Variants in AUTS2 observed in about 807,000 individuals in gnomAD.
AUTS2 encodes activator of transcription and developmental regulator AUTS2.
Under a neutral mutation model 112.4 loss-of-function variants are expected in AUTS2, and 17 were observed. The observed-to-expected ratio is 0.15, with a 90% CI of 0.10 to 0.23. AUTS2 has a LOEUF of 0.23. Among genes scored for constraint, AUTS2 ranks in the 10% least tolerant of loss-of-function variants. The pLI is 1.00. For synonymous variants in AUTS2, 751 were observed against 702.7 expected (o/e 1.07, Z -1.09); for missense variants, 1,510 against 1,701.6 (o/e 0.89, Z 1.98).
intron 5 of AUTS2, among the ~76,000 whole-genome samples, chr7:70,452,355 A>T (rs951158745): frequency 2.0e-5 from 3 of 152,162 alleles, no homozygotes; most frequent in African/African-American, 7.2e-5. Context: ...GCTAATTGGG[A>T]GGCTGAGGGA....
intron 2 of AUTS2, among the ~76,000 whole-genome samples, chr7:69,908,231 G>A (rs1167516244): frequency 6.6e-6 from 1 of 152,126 alleles, no homozygotes; most frequent in Non-Finnish European, 1.5e-5. Context: ...ACCCCTTGCT[G>A]TACTTAACCC....
chr7:70,209,227 G>A (rs1182726334), intron 4 of AUTS2, among the ~76,000 whole-genome samples: 2 of 152,152 alleles, frequency 1.3e-5, no homozygotes, highest in Non-Finnish European at 2.9e-5. Flanking sequence ...GTAAAAAGAG[G>A]AAGCAAGGAT....
At chr7:70,251,755 T>C (rs541832377) in intron 4 of AUTS2, among the ~76,000 whole-genome samples, 1 of 152,270 alleles carries the variant, frequency 6.6e-6, no homozygotes, top group Admixed American at 6.5e-5. Context: ...TACTGAGATT[T>C]TCAATTTTGA....
chr7:70,274,616 G>C (rs1185858244), intron 4 of AUTS2, among the ~76,000 whole-genome samples: 1 of 152,046 alleles, frequency 6.6e-6, no homozygotes, highest in Non-Finnish European at 1.5e-5. Context: ...ATTGTTGTGA[G>C]TGAGTGAGTG....
intron 4 of AUTS2, among the ~76,000 whole-genome samples, chr7:70,408,176 G>T (rs1794623560): frequency 6.7e-6 from 1 of 150,128 alleles, no homozygotes; most frequent in Admixed American, 6.6e-5. Flanking sequence ...GCGAGACCCT[G>T]TGGAAAAAAA....
chr7:69,924,952 T>C (rs1201323859), intron 2 of AUTS2, among the ~76,000 whole-genome samples: 1 of 152,278 alleles, frequency 6.6e-6, no homozygotes, highest in African/African-American at 2.4e-5. Flanking sequence ...ATTCATGTTC[T>C]TTACTAAATA....
intron 1 of AUTS2, among the ~76,000 whole-genome samples, chr7:69,639,821 A>G (rs1794722167): frequency 6.6e-6 from 1 of 152,244 alleles, no homozygotes; most frequent in Non-Finnish European, 1.5e-5. Context: ...AAAAGCAGTA[A>G]GGAGACTGTT....
At chr7:70,757,491 G>C (rs770545308) in intron 6 of AUTS2, among the ~76,000 whole-genome samples, 1 of 152,132 alleles carries the variant, frequency 6.6e-6, no homozygotes, top group Non-Finnish European at 1.5e-5. Flanking sequence ...GTTTCTTAAA[G>C]GTTTGGCCAA....
intron 4 of AUTS2, among the ~76,000 whole-genome samples, chr7:70,288,194 C>G (rs1229294906): frequency 1.3e-5 from 2 of 152,020 alleles, no homozygotes; most frequent in African/African-American, 2.4e-5. Flanking sequence ...GAGTGGATCA[C>G]GAGGTCAGGA....
chr7:70,666,235 T>G (rs766180172), intron 5 of AUTS2, among the ~76,000 whole-genome samples: 1 of 152,230 alleles, frequency 6.6e-6, no homozygotes, highest in South Asian at 2.1e-4. Flanking sequence ...AATGGCATTA[T>G]GGTTTACTGA....
chr7:69,824,326 G>A (rs1269582671), intron 1 of AUTS2, among the ~76,000 whole-genome samples: 9 of 151,784 alleles, frequency 5.9e-5, no homozygotes, highest in Non-Finnish European at 8.8e-5. Context: ...GGAGAATGGC[G>A]TGAACCTGGG....
chr7:69,851,502 C>T (rs553502020), intron 1 of AUTS2, among the ~76,000 whole-genome samples: 83 of 152,298 alleles, frequency 5.4e-4, no homozygotes, highest in Admixed American at 7.2e-4. Flanking sequence ...CCCCCACCTT[C>T]GCCTCCCAAA....
chr7:69,908,407 T>C (rs927220897), intron 2 of AUTS2, among the ~76,000 whole-genome samples: 1 of 152,250 alleles, frequency 6.6e-6, no homozygotes, highest in Admixed American at 6.5e-5. Context: ...CAGGCAGATA[T>C]AACTTTGTTA....
At chr7:70,329,876 C>T (rs1790663796) in intron 4 of AUTS2, among the ~76,000 whole-genome samples, 1 of 151,928 alleles carries the variant, frequency 6.6e-6, no homozygotes, top group Non-Finnish European at 1.5e-5. Flanking sequence ...AATCCAAGAC[C>T]AAGATGCCAG....
At chr7:70,284,545 T>C (rs1239987179) in intron 4 of AUTS2, among the ~76,000 whole-genome samples, 5 of 152,228 alleles carry the variant, frequency 3.3e-5, no homozygotes, top group Non-Finnish European at 7.3e-5. Flanking sequence ...TATTTTTGTT[T>C]TTATTAGCAT....
intron 4 of AUTS2, among the ~76,000 whole-genome samples, chr7:70,332,549 C>T (rs1019804832): frequency 1.3e-5 from 2 of 152,180 alleles, no homozygotes; most frequent in African/African-American, 2.4e-5. Context: ...GTCATGCTAC[C>T]TGACTTCAAA....
In AUTS2 at chr7:70,372,763, T is replaced by C. The variant is rs375337979; in HGVS notation, c.661-62989T>C. 1.8e-4 allele frequency among the ~76,000 whole-genome samples: 28 copies of C among 151,976 alleles called. No homozygotes were observed. In the South Asian group the frequency reaches 5.8e-3, roughly 32 times the overall value. On this transcript the variant is annotated intron_variant, in intron 4 of 18. Transcript: ENST00000342771. ...ACAAAGAGGAAAAAAAAATCAACCC[T>C]GTTAATAACTTCCACTTTGAGAGTT...
intron 2 of AUTS2, among the ~76,000 whole-genome samples, chr7:70,020,098 T>C (rs1363436293): frequency 6.6e-6 from 1 of 152,246 alleles, no homozygotes. Flanking sequence ...GACTGCTGTT[T>C]GTCACATGTT....
intron 4 of AUTS2, among the ~76,000 whole-genome samples, chr7:70,423,850 G>A (rs775475895): frequency 1.3e-5 from 2 of 152,184 alleles, no homozygotes; most frequent in East Asian, 1.9e-4. Flanking sequence ...CTTTAAACAC[G>A]TCCTGAGCAG....
Sources: allele counts gnomAD v4.1 joint callset (sites outside exome capture counted in the v4.1 genomes callset), GRCh38; gene constraint gnomAD v4.1.1; transcripts MANE v1.5; gene names NCBI Gene and HGNC (gene_info 2026-07-23, HGNC 2026-07-21).